PBX3: variants seen among roughly 807,000 people sequenced by gnomAD.
The protein encoded by PBX3 is pre-B-cell leukemia transcription factor 3.
A neutral mutation model predicts 48.5 loss-of-function variants in PBX3; 14 were observed. The observed-to-expected ratio is 0.29, with a 90% CI of 0.19 to 0.45. The LOEUF (loss-of-function observed/expected upper bound fraction) is 0.45, where lower values mean the gene tolerates loss of function less well. Ranked by LOEUF, PBX3 falls within the 20% of genes least tolerant of loss-of-function variation. PBX3 has a pLI of 1.00. For synonymous variants in PBX3, 210 were observed against 200.3 expected, an observed-to-expected ratio of 1.05 and a Z score of -0.41; for missense variants, 386 against 546.7, an observed-to-expected ratio of 0.71 and a Z score of 2.93.
intron 3 of PBX3, among the ~76,000 whole-genome samples, chr9:125,919,885 C>T (rs1446485503): frequency 6.6e-6 from 1 of 152,206 alleles, no homozygotes; most frequent in Non-Finnish European, 1.5e-5. Flanking sequence ...CTGCAAGGCT[C>T]AGTTTTATGT....
intron 3 of PBX3, among the ~76,000 whole-genome samples, chr9:125,920,343 A>G (rs1200951728): frequency 2.6e-5 from 4 of 152,198 alleles, no homozygotes; most frequent in Non-Finnish European, 5.9e-5. Context: ...CCACTGTTAG[A>G]ATAGGTGAGT....
At chr9:125,931,793 T>C (rs1285005635) in intron 4 of PBX3, among the ~76,000 whole-genome samples, 1 of 152,170 alleles carries the variant, frequency 6.6e-6, no homozygotes, top group African/African-American at 2.4e-5. Flanking sequence ...AATAGGGTGA[T>C]AAGTGGTATG....
chr9:125,781,544 G>A, intron 2 of PBX3, among the ~76,000 whole-genome samples: 1 of 139,776 alleles, frequency 7.2e-6, no homozygotes, highest in East Asian at 2.3e-4. Flanking sequence ...GAGGGAGAGG[G>A]GAGAGGGGAG....
At chr9:125,814,245 C>T (rs1024492013) in intron 2 of PBX3, among the ~76,000 whole-genome samples, 5 of 116,228 alleles carry the variant, frequency 4.3e-5, no homozygotes, top group African/African-American at 1.6e-4. Flanking sequence ...CATATTTGAC[C>T]TAGTGTTCTC....
intron 2 of PBX3, among the ~76,000 whole-genome samples, chr9:125,902,226 T>A (rs2132426244): frequency 6.6e-6 from 1 of 151,784 alleles, no homozygotes; most frequent in South Asian, 2.1e-4. Flanking sequence ...CTGGATTGCA[T>A]GCATATTTGA....
At chr9:125,946,591 G>A (rs886143554) in intron 5 of PBX3, among the ~76,000 whole-genome samples, 2 of 152,132 alleles carry the variant, frequency 1.3e-5, no homozygotes, top group African/African-American at 4.8e-5. Flanking sequence ...CAGTGGATTG[G>A]GTTAAAAGCA....
chr9:125,903,141 T>TA (rs1429200409), intron 2 of PBX3, among the ~76,000 whole-genome samples: 1 of 151,792 alleles, frequency 6.6e-6, no homozygotes, highest in Non-Finnish European at 1.5e-5. Context: ...TTTTTTTGTT[T>TA]ACCAGCTTGA....
chr9:125,944,909 A>C (rs1588325628), intron 5 of PBX3, among the ~76,000 whole-genome samples: 1 of 152,150 alleles, frequency 6.6e-6, no homozygotes, highest in East Asian at 1.9e-4. Context: ...CCTTTTCTCA[A>C]GTGTGTAGTT....
Position 125,848,660 on chromosome 9 carries a change from T to A in PBX3, c.275-67026T>A, listed in dbSNP as rs570873225. 6.4e-4 allele frequency among the ~76,000 whole-genome samples: 98 copies of A among 152,126 alleles called. 2 individuals are homozygous for A. The South Asian group carries it at 0.018, about 28-fold the overall frequency. ...TTTAGTGTGGGATCAGAAATTAAGTTTATTGAAATTCTAATTCGTTCAAAA... is the reference window on the plus strand; with the variant it reads ...TTTAGTGTGGGATCAGAAATTAAGTATATTGAAATTCTAATTCGTTCAAAA... On this transcript the variant is annotated intron_variant, in intron 2 of 8. Coordinates refer to ENST00000373489, the MANE Select transcript of PBX3 (RefSeq NM_006195.6).
intron 8 of PBX3, among the ~76,000 whole-genome samples, chr9:125,963,633 C>T (rs1345057189): frequency 6.6e-6 from 1 of 152,100 alleles, no homozygotes; most frequent in Non-Finnish European, 1.5e-5. Context: ...TTACCTTTCC[C>T]TCCACTGACA....
chr9:125,884,918 T>C (rs530015983), intron 2 of PBX3, among the ~76,000 whole-genome samples: 16 of 152,340 alleles, frequency 1.1e-4, no homozygotes, highest in African/African-American at 3.8e-4. Context: ...ACTTTCAATG[T>C]ATTTTCATAA....
At chr9:125,784,622 C>T (rs1184572168) in intron 2 of PBX3, among the ~76,000 whole-genome samples, 2 of 152,132 alleles carry the variant, frequency 1.3e-5, no homozygotes, top group Non-Finnish European at 2.9e-5. Flanking sequence ...TCTGAAGTCT[C>T]TGTTCCATTA....
intron 2 of PBX3, among the ~76,000 whole-genome samples, chr9:125,868,967 C>T (rs560752331): frequency 2.0e-5 from 3 of 152,160 alleles, no homozygotes; most frequent in Non-Finnish European, 4.4e-5. Context: ...AAGAAAATGC[C>T]TGAGTTAAAA....
chr9:125,870,234 A>G (rs1353503389), intron 2 of PBX3, among the ~76,000 whole-genome samples: 2 of 151,894 alleles, frequency 1.3e-5, no homozygotes, highest in Non-Finnish European at 2.9e-5. Flanking sequence ...ATGCCTGGCT[A>G]ATTTTTGTGT....
rs565525022 is a variant in PBX3 at position 125,846,981 on chromosome 9, G to A, written c.275-68705G>A. ...GTAAGTTCCCAGTCTGTATTTTGCT[G>A]ATTGCATCCCCATGGTATAGTTTAA... On this transcript the variant is annotated intron_variant, in intron 2 of 8. Transcript: ENST00000373489. 3.3e-5 allele frequency among the ~76,000 whole-genome samples: 5 copies of A among 151,658 alleles called. No homozygotes were observed. In the South Asian group the frequency reaches 1.0e-3, roughly 31 times the overall value.
chr9:125,861,115 G>A (rs545083962), intron 2 of PBX3, among the ~76,000 whole-genome samples: 1 of 151,754 alleles, frequency 6.6e-6, no homozygotes, highest in South Asian at 2.1e-4. Flanking sequence ...GTGAAACCTG[G>A]TCTCTACTCC....
intron 2 of PBX3, among the ~76,000 whole-genome samples, chr9:125,780,833 C>G (rs1837268705): frequency 6.7e-6 from 1 of 150,270 alleles, no homozygotes; most frequent in African/African-American, 2.5e-5. Context: ...CTCCTCACTT[C>G]CCAGACGGGG....
chr9:125,952,048 CTGTT>C (rs1221386886), intron 5 of PBX3, among the ~76,000 whole-genome samples: 2 of 152,172 alleles, frequency 1.3e-5, no homozygotes, highest in Non-Finnish European at 2.9e-5. Flanking sequence ...TAGGGAGAAA[CTGTT>C]TGTTAGAGGT....
rs62567215 is a variant in PBX3, at chr9:125,777,412, G to A, written c.274+28789G>A. On this transcript the variant is annotated intron_variant, in intron 2 of 8. Coordinates refer to ENST00000373489, the MANE Select transcript of PBX3 (RefSeq NM_006195.6). ...ACCCTGTCACCCAGGCTGGAGTGCA[G>A]TGGCGTGATCTGGGCTCACTGCAAC... 2.8e-3 allele frequency among the ~76,000 whole-genome samples: 421 copies of A among 151,678 alleles called. 2 individuals carry two copies. The highest frequency in any genetic ancestry group is 0.01 in the Middle Eastern group (3 of 294).
Sources: gnomAD v4.1 joint callset for allele counts (sites outside exome capture counted in the v4.1 genomes callset) on GRCh38, gnomAD v4.1.1 for gene constraint, MANE v1.5 for transcripts, NCBI Gene and HGNC (gene_info 2026-07-23, HGNC 2026-07-21) for gene names.